The following NFIB variants were observed in gnomAD, a reference collection of about 807,000 sequenced individuals.
The protein encoded by NFIB is nuclear factor 1 B-type.
A neutral mutation model predicts 61.5 loss-of-function variants in NFIB; 11 were observed. The observed-to-expected ratio is 0.18, with a 90% CI of 0.11 to 0.30. The LOEUF (loss-of-function observed/expected upper bound fraction) is 0.30. Ranked by LOEUF, NFIB falls within the 10% of genes least tolerant of loss-of-function variation. The pLI, the probability that NFIB is intolerant of heterozygous loss-of-function variation, is 1.00. For missense variants in NFIB, 471 were observed against 608.9 expected, an observed-to-expected ratio of 0.77 and a Z score of 2.38; for synonymous variants, 260 against 216.5, an observed-to-expected ratio of 1.20 and a Z score of -1.76.
chr9:14,450,726 T>C, the NFIB span, among the ~76,000 whole-genome samples: 1 of 150,100 alleles, frequency 6.7e-6, no homozygotes, highest in South Asian at 2.2e-4. Flanking sequence ...ACTTTCAAGG[T>C]GATTTTCTTT....
chr9:14,398,012 T>G (rs374412677), intron 1 of NFIB, among the ~76,000 whole-genome samples: 46 of 152,286 alleles, frequency 3.0e-4, no homozygotes, highest in African/African-American at 9.6e-4. Context: ...CCAGGCTCCA[T>G]GTAATGTGCT....
intron 1 of NFIB, among the ~76,000 whole-genome samples, chr9:14,311,624 CTG>C (rs2060283611): frequency 6.6e-6 from 1 of 152,170 alleles, no homozygotes; most frequent in Non-Finnish European, 1.5e-5. Flanking sequence ...CCAACATTCC[CTG>C]TCTCAATGCT....
At chr9:14,380,933 G>A (rs537009484) in intron 1 of NFIB, among the ~76,000 whole-genome samples, 2 of 152,028 alleles carry the variant, frequency 1.3e-5, no homozygotes, top group East Asian at 3.9e-4. Context: ...CCTCCATACT[G>A]AGTGGAGGCC....
At chr9:14,149,489 C>T (rs772569322) in intron 5 of NFIB, among the ~76,000 whole-genome samples, 1 of 151,816 alleles carries the variant, frequency 6.6e-6, no homozygotes, top group Non-Finnish European at 1.5e-5. Context: ...CTTTATTCAC[C>T]CTGACTGGCA....
At chr9:14,289,032 A>G (rs1009010719) in intron 2 of NFIB, among the ~76,000 whole-genome samples, 2 of 151,078 alleles carry the variant, frequency 1.3e-5, no homozygotes, top group Admixed American at 6.6e-5. Context: ...AATATACCAC[A>G]TATATATTAT....
At chr9:14,297,533 C>A (rs1346444567) in intron 2 of NFIB, among the ~76,000 whole-genome samples, 3 of 152,130 alleles carry the variant, frequency 2.0e-5, no homozygotes. Context: ...AACAAACAAA[C>A]CAGAAAGAAA....
the NFIB span, among the ~76,000 whole-genome samples, chr9:14,502,488 G>T: frequency 6.6e-6 from 1 of 152,134 alleles, no homozygotes; most frequent in Admixed American, 6.5e-5. Context: ...AGAAAGTGGT[G>T]CAAAACCTTT....
intron 2 of NFIB, among the ~76,000 whole-genome samples, chr9:14,287,301 G>A (rs1257644259): frequency 2.0e-5 from 3 of 151,454 alleles, no homozygotes; most frequent in South Asian, 2.1e-4. Context: ...CGTGGTGGCG[G>A]GCACCTGTAG....
chr9:14,137,759 T>C (rs1436883013), intron 6 of NFIB, among the ~76,000 whole-genome samples: 1 of 152,148 alleles, frequency 6.6e-6, no homozygotes, highest in Non-Finnish European at 1.5e-5. Context: ...ATATAGCTCA[T>C]TTTAAACTGG....
chr9:14,150,490 T>C (rs1563837527), intron 4 of NFIB, among the ~76,000 whole-genome samples: 1 of 152,092 alleles, frequency 6.6e-6, no homozygotes, highest in African/African-American at 2.4e-5. Flanking sequence ...TAATCACTGG[T>C]TACCAATTTC....
At chr9:14,113,998 G>A (rs1587303419) in intron 9 of NFIB, among the ~76,000 whole-genome samples, 1 of 152,118 alleles carries the variant, frequency 6.6e-6, no homozygotes, top group East Asian at 1.9e-4. Flanking sequence ...CAATCCCACT[G>A]CTCCATATTA....
Position 14,086,535 on chromosome 9 carries a change from T to C in NFIB, c.*1774A>G, listed in dbSNP as rs1291674625. On this transcript the variant is annotated 3_prime_UTR_variant, in exon 11 of 11. Coordinates refer to ENST00000380953, the MANE Select transcript of NFIB (RefSeq NM_001190737.2). ...GAAGATGAAAAACATGAAAGGTTAA[T>C]AGAAAAAAACACCAAAATACTGAAA... 2 of 213,962 alleles carry C rather than the reference T, an allele frequency of 9.3e-6. No homozygotes were observed. The highest frequency in any genetic ancestry group is 1.9e-5 in the Non-Finnish European group (2 of 105,706). 13.3% of individuals were successfully genotyped at this position (213,962 alleles called of 1,614,324 possible).
intron 2 of NFIB, among the ~76,000 whole-genome samples, chr9:14,242,371 C>T (rs573118988): frequency 3.3e-5 from 5 of 152,148 alleles, no homozygotes; most frequent in African/African-American, 4.8e-5. Context: ...TTCAGACTTA[C>T]AAAAGTTATT....
chr9:14,341,633 G>A (rs990338493), intron 1 of NFIB, among the ~76,000 whole-genome samples: 23 of 152,228 alleles, frequency 1.5e-4, no homozygotes, highest in African/African-American at 5.1e-4. Context: ...AGTGAAATGT[G>A]GAAATGGGGT....
intron 1 of NFIB, among the ~76,000 whole-genome samples, chr9:14,345,332 C>G (rs1369580018): frequency 2.6e-5 from 4 of 152,118 alleles, no homozygotes; most frequent in African/African-American, 9.7e-5. Context: ...TAAAACATCC[C>G]CAAATTCATC....
At chr9:14,318,505 CT>C (rs34481505), upstream of NFIB, among the ~76,000 whole-genome samples, 786 of 66,860 alleles carry the variant, frequency 0.012, 2 homozygotes, top group African/African-American at 0.033. Flanking sequence ...CACTCGATGC[CT>C]TTTTTTTTTT....
intron 3 of NFIB, among the ~76,000 whole-genome samples, chr9:14,169,530 A>G (rs532852434): frequency 4.1e-4 from 62 of 152,256 alleles, no homozygotes; most frequent in African/African-American, 1.2e-3. Context: ...GCAAAAGCTA[A>G]TAAGAGTCAG....
intron 1 of NFIB, among the ~76,000 whole-genome samples, chr9:14,309,229 G>C (rs888818154): frequency 6.6e-6 from 1 of 152,162 alleles, no homozygotes; most frequent in African/African-American, 2.4e-5. Context: ...CTTTAACAAA[G>C]AAGGTGTCAA....
the NFIB span, among the ~76,000 whole-genome samples, chr9:14,464,740 G>C: frequency 6.6e-6 from 1 of 152,154 alleles, no homozygotes; most frequent in African/African-American, 2.4e-5. Context: ...AAAGATCTCA[G>C]TGGGACGGTC....
Sources: allele counts gnomAD v4.1 joint callset (sites outside exome capture counted in the v4.1 genomes callset), GRCh38; gene constraint gnomAD v4.1.1; transcripts MANE v1.5; gene names NCBI Gene and HGNC (gene_info 2026-07-23, HGNC 2026-07-21).